CALU: variants seen among roughly 807,000 people sequenced by gnomAD.
The protein encoded by CALU is IEF SSP 9302.
In CALU, 13 loss-of-function variants were observed where a neutral mutation model predicts 37.5. The observed-to-expected ratio is 0.35, with a 90% CI of 0.23 to 0.55. The LOEUF is 0.55. Among genes scored for constraint, CALU ranks in the 20% least tolerant of loss-of-function variants. The pLI is 0.89. For synonymous variants in CALU, 114 were observed against 133.8 expected (o/e 0.85, Z 1.02); for missense variants, 282 against 391.7 (o/e 0.72, Z 2.36).
chr7:128,767,230 C>T (rs1801371276), intron 5 of CALU, among the ~76,000 whole-genome samples: 1 of 152,178 alleles, frequency 6.6e-6, no homozygotes, highest in African/African-American at 2.4e-5. Context: ...ACTCTTTGCT[C>T]TCATGTGACT....
intron 5 of CALU, among the ~76,000 whole-genome samples, chr7:128,765,923 A>G (rs542944304): frequency 2.0e-5 from 3 of 152,334 alleles, no homozygotes; most frequent in South Asian, 2.1e-4. Context: ...TTTGAGTTAC[A>G]TGCCAGAAAT....
intron 1 of CALU, among the ~76,000 whole-genome samples, chr7:128,742,877 G>A (rs1157669631): frequency 6.6e-6 from 1 of 152,162 alleles, no homozygotes; most frequent in African/African-American, 2.4e-5. Context: ...AAGGATGATA[G>A]CTACTGGATA....
chr7:128,739,479 T>G (rs1171819486), intron 1 of CALU, 47 bp downstream of exon 1: 1 of 152,660 alleles, frequency 6.6e-6, no homozygotes, highest in African/African-American at 2.4e-5. Flanking sequence ...TCATCTTTAT[T>G]CGCTTTCTTT....
chr7:128,755,269 A>G (rs1216580988), intron 3 of CALU, among the ~76,000 whole-genome samples: 1 of 131,996 alleles, frequency 7.6e-6, no homozygotes, highest in Non-Finnish European at 1.6e-5. Context: ...CCATGATTGC[A>G]CTGCTGCACA....
At chr7:128,753,642 C>G (rs1350133516) in intron 2 of CALU, among the ~76,000 whole-genome samples, 1 of 152,176 alleles carries the variant, frequency 6.6e-6, no homozygotes, top group Non-Finnish European at 1.5e-5. Flanking sequence ...AAGCTGCTAG[C>G]CATTTTTTAG....
chr7:128,759,473 G>T (rs181089482), intron 4 of CALU, among the ~76,000 whole-genome samples: 1 of 152,310 alleles, frequency 6.6e-6, no homozygotes, highest in African/African-American at 2.4e-5. Context: ...TCCTGTTAGT[G>T]TGACTTTAGC....
chr7:128,757,212 A>G (rs1346539839), intron 3 of CALU, among the ~76,000 whole-genome samples: 1 of 152,194 alleles, frequency 6.6e-6, no homozygotes. Context: ...GCACTTATGT[A>G]AGAATCTAGT....
At chr7:128,741,007 T>C (rs1296929335) in intron 1 of CALU, among the ~76,000 whole-genome samples, 2 of 152,214 alleles carry the variant, frequency 1.3e-5, no homozygotes, top group African/African-American at 4.8e-5. Context: ...TAGCTGAGAC[T>C]AGAGGTATAT....
At chr7:128,765,660 A>G (rs753212244) in intron 5 of CALU, among the ~76,000 whole-genome samples, 5 of 152,234 alleles carry the variant, frequency 3.3e-5, no homozygotes, top group East Asian at 3.8e-4. Context: ...TTATTAATAC[A>G]CAATTGAACA....
rs139501806 is a variant in CALU at position 128,754,351 on chromosome 7, G to A, written c.311G>A (p.Trp104Ter). Residue 104 changes from tryptophan (W) to a stop codon, truncating the protein, a stop_gained, in exon 3 of 7, where the codon TGG becomes TAG. Transcript: ENST00000249364. LOFTEE classifies it high-confidence loss of function. The part of the protein sequence containing the change: ...KDWIKFAQKR[W>*]IYEDVERQWK... ...TGGATTAAATTTGCACAAAAGCGCT[G>A]GATTTACGAGGATGTAGAGCGACAG... is the stretch of plus-strand genomic sequence containing the variant. The A allele has an allele frequency of 1.2e-6, 2 of 1,613,990 alleles. No homozygotes were observed. The highest frequency in any genetic ancestry group is 2.7e-5 in the African/African-American group (2 of 74,910).
At position 128,767,448 on chromosome 7, in the gene CALU, G is replaced by A. The variant is rs1218405870; in HGVS notation, c.644-8G>A. The A allele has an allele frequency of 8.1e-6, 13 of 1,604,156 alleles. No homozygotes were observed. The highest frequency in any genetic ancestry group is 1.7e-5 in the Admixed American group (1 of 60,022). ...ACCCTTCTTTTGTATGTATGTCTGT[G>A]TACCCAGGTGACATGTACAGCCATG... On this transcript the variant is annotated splice_polypyrimidine_tract_variant and splice_region_variant and intron_variant, in intron 5 of 6. Coordinates refer to ENST00000249364, the MANE Select transcript of CALU (RefSeq NM_001219.5).
chr7:128,742,085 A>C (rs1377243465), intron 1 of CALU, among the ~76,000 whole-genome samples: 2 of 152,212 alleles, frequency 1.3e-5, no homozygotes, highest in Non-Finnish European at 2.9e-5. Flanking sequence ...TCATCACTAG[A>C]GAGACGTTAA....
intron 2 of CALU, among the ~76,000 whole-genome samples, chr7:128,750,009 G>C (rs1171200840): frequency 1.3e-5 from 2 of 151,982 alleles, no homozygotes; most frequent in Non-Finnish European, 2.9e-5. Flanking sequence ...GTTGGATCAC[G>C]AGGTCAGGAG....
intron 5 of CALU, among the ~76,000 whole-genome samples, chr7:128,764,308 G>A (rs1326034443): frequency 1.3e-5 from 2 of 152,108 alleles, no homozygotes; most frequent in African/African-American, 2.4e-5. Context: ...GCATGGTGGC[G>A]TGTGCCTGTA....
intron 2 of CALU, among the ~76,000 whole-genome samples, chr7:128,751,340 G>A (rs1166578092): frequency 6.6e-6 from 1 of 151,604 alleles, no homozygotes; most frequent in Non-Finnish European, 1.5e-5. Flanking sequence ...GTGAACTAGA[G>A]CAGTTCATTA....
At chr7:128,767,434 G>T in intron 5 of CALU, 22 bp from the exon 6 acceptor site, 1 of 1,575,432 alleles carries the variant, frequency 6.3e-7, no homozygotes, top group Non-Finnish European at 8.7e-7. Flanking sequence ...CCCTTCTTTT[G>T]TATGTATGTC....
intron 5 of CALU, among the ~76,000 whole-genome samples, chr7:128,766,163 T>C (rs1237194558): frequency 1.3e-5 from 2 of 152,078 alleles, no homozygotes; most frequent in Non-Finnish European, 2.9e-5. Flanking sequence ...GGTTTCACCA[T>C]GTTGGCCATG....
chr7:128,745,045 A>G (rs908288376), intron 1 of CALU, among the ~76,000 whole-genome samples: 3 of 152,216 alleles, frequency 2.0e-5, no homozygotes, highest in Non-Finnish European at 4.4e-5. Context: ...GGACCAGATT[A>G]TGTTAGAGTG....
intron 2 of CALU, among the ~76,000 whole-genome samples, chr7:128,754,021 C>T (rs546665252): frequency 4.6e-5 from 7 of 152,284 alleles, no homozygotes; most frequent in African/African-American, 1.7e-4. Context: ...TGAAATCTAC[C>T]TCCAAAGAGA....
Sources: gnomAD v4.1 joint callset for allele counts (sites outside exome capture counted in the v4.1 genomes callset) on GRCh38, gnomAD v4.1.1 for gene constraint, MANE v1.5 for transcripts, NCBI Gene and HGNC (gene_info 2026-07-23, HGNC 2026-07-21) for gene names.